Variants in ATP9A observed in about 807,000 individuals in gnomAD.
The protein encoded by ATP9A is probable phospholipid-transporting ATPase IIA.
In ATP9A, 52 loss-of-function variants were observed where a neutral mutation model predicts 144.1. The observed-to-expected ratio is 0.36, with a 90% CI of 0.29 to 0.45. The LOEUF is 0.45. Among genes scored for constraint, ATP9A ranks in the 20% least tolerant of loss-of-function variants. The pLI, the probability that ATP9A is intolerant of heterozygous loss-of-function variation, is 1.00. For synonymous variants in ATP9A, 582 were observed against 557.4 expected (o/e 1.04, Z -0.62); for missense variants, 947 against 1,392.7 (o/e 0.68, Z 5.09).
At chr20:51,733,866 G>A (rs2077752543) in intron 1 of ATP9A, among the ~76,000 whole-genome samples, 1 of 151,902 alleles carries the variant, frequency 6.6e-6, no homozygotes, top group African/African-American at 2.4e-5. Context: ...TAGAGTGAGG[G>A]TCTCACTATG....
At chr20:51,636,073 G>A (rs2077291076) in intron 15 of ATP9A, among the ~76,000 whole-genome samples, 1 of 152,054 alleles carries the variant, frequency 6.6e-6, no homozygotes, top group Admixed American at 6.5e-5. Flanking sequence ...TATGAATTAG[G>A]CACAGTAAGA....
intron 1 of ATP9A, among the ~76,000 whole-genome samples, chr20:51,753,102 CAA>C (rs200895118): frequency 8.0e-6 from 1 of 125,452 alleles, no homozygotes; most frequent in Admixed American, 8.4e-5. Context: ...GACTCTGTCT[CAA>C]AAAAAAAAAG....
At chr20:51,604,791 G>A (rs760702772) in intron 27 of ATP9A, 26 bp downstream of exon 27, 37 of 1,449,132 alleles carry the variant, frequency 2.6e-5, no homozygotes, top group South Asian at 6.1e-5. Flanking sequence ...GGTGACGGAC[G>A]GGGTTTAAGC....
intron 10 of ATP9A, among the ~76,000 whole-genome samples, chr20:51,674,815 A>G (rs1239871092): frequency 6.6e-6 from 1 of 152,008 alleles, no homozygotes; most frequent in Non-Finnish European, 1.5e-5. Context: ...GCATTAATGG[A>G]CATTATTTTA....
intron 15 of ATP9A, among the ~76,000 whole-genome samples, chr20:51,635,878 AGGAGGGGAGG>A (rs1292330997): frequency 2.3e-5 from 1 of 42,698 alleles, no homozygotes; most frequent in South Asian, 8.8e-4. Flanking sequence ...GGAGGGAGGG[AGGAGGGGAGG>A]GGAGGGGAGA....
chr20:51,607,436 G>C (rs2273090), intron 26 of ATP9A, 91 bp downstream of exon 26: 1 of 1,212,522 alleles, frequency 8.2e-7, no homozygotes, highest in Admixed American at 2.0e-5. Context: ...TTTCAGATTC[G>C]TTTCTTCTCT....
rs567904407 is a variant in ATP9A at position 51,737,545 on chromosome 20, T to G, written c.69-7567A>C. Among the ~76,000 whole-genome samples, 3 of 152,274 alleles carry G rather than the reference T, an allele frequency of 2.0e-5. No individual in the cohort carries two copies. In the South Asian group the frequency reaches 6.2e-4, roughly 32 times the overall value. On this transcript the variant is annotated intron_variant, in intron 1 of 27. Coordinates refer to ENST00000338821, the MANE Select transcript of ATP9A (RefSeq NM_006045.3). Reference sequence around the variant, plus strand: ...CAAAAGTACGTAACCCCAGTTGGACTAAGAAGCGTATTCACAGAAAAAGAA... The same window carrying G: ...CAAAAGTACGTAACCCCAGTTGGACGAAGAAGCGTATTCACAGAAAAAGAA...
chr20:51,605,172 G>A, intron 26 of ATP9A, 152 bp from the exon 27 acceptor site: 1 of 564,588 alleles, frequency 1.8e-6, no homozygotes, highest in African/African-American at 1.9e-5. Flanking sequence ...ATGCAGGTCT[G>A]AACCTATGGT....
At position 51,638,069 on chromosome 20, in the gene ATP9A, TTTTATATATATATATATATATATATATA is replaced by T. The variant is rs1280452454; in HGVS notation, c.1668+1246_1668+1273del. On this transcript the variant is annotated intron_variant, in intron 15 of 27. Transcript: ENST00000338821. ...TCCATGGCTAAGTAGCATTTCATCA[TTTTATATATATATATATATATATATATA>T]TATATATATATATATATATATATAT... is the stretch of plus-strand genomic sequence containing the variant. Among the ~76,000 whole-genome samples, 112 of 73,136 alleles carry T rather than the reference TTTTATATATATATATATATATATATATA, an allele frequency of 1.5e-3. 4 individuals carry two copies. The highest frequency in any genetic ancestry group is 2.2e-3 in the African/African-American group (40 of 18,088). 48.0% of individuals were successfully genotyped at this position (73,136 alleles called of 152,430 possible). A position where few individuals can be genotyped will look rare whatever the true frequency, so the allele number is the denominator to read the frequency against.
At chr20:51,720,707 GC>G (rs1427854177) in intron 3 of ATP9A, among the ~76,000 whole-genome samples, 1 of 152,136 alleles carries the variant, frequency 6.6e-6, no homozygotes, top group Non-Finnish European at 1.5e-5. Flanking sequence ...GGTAGTGGCT[GC>G]CTGTAATCCC....
chr20:51,703,908 ATTACTCT>A (rs2077604524), intron 4 of ATP9A, among the ~76,000 whole-genome samples: 1 of 152,144 alleles, frequency 6.6e-6, no homozygotes, highest in Non-Finnish European at 1.5e-5. Flanking sequence ...TGGTTAATGT[ATTACTCT>A]TTAACTCACA....
At chr20:51,639,299 C>CTGGG in intron 15 of ATP9A, 44 bp downstream of exon 15, 1 of 1,568,148 alleles carries the variant, frequency 6.4e-7, no homozygotes, top group East Asian at 2.3e-5. Context: ...CGCAGCACAC[C>CTGGG]TGGGGTACTT....
Position 51,657,096 on chromosome 20 carries a change from G to C in ATP9A, c.1348C>G (p.Arg450Gly). 1 of 1,614,170 alleles carries C rather than the reference G, an allele frequency of 6.2e-7. No individual in the cohort carries two copies. Among genetic ancestry groups the C allele is most frequent in the Non-Finnish European group, 8.5e-7 (1 of 1,180,048 alleles). Residue 450 changes from arginine (R) to glycine (G), a missense_variant, in exon 14 of 28, where the codon CGG (arginine) becomes GGG (glycine). Physicochemically the swap from Arg to Gly is moderately radical, Grantham distance 125. Around this residue, in one of 2 missense-constraint regions of ATP9A, gnomAD observed 770 missense variants for 1,047.9 expected, o/e 0.73. Coordinates refer to ENST00000338821, the MANE Select transcript of ATP9A (RefSeq NM_006045.3). ...TCGTGCACGCGGCTGCTCATGGTCC[G>C]CCGGACCTTAGTGGTGAGCGTTGGG... ...KGPTLTTKVR[R>G]TMSSRVHEAV...
rs11339305 is a variant in ATP9A at position 51,676,224 on chromosome 20, G to GAAAAAAA, written c.800-23_800-17dup. On this transcript the variant is annotated splice_polypyrimidine_tract_variant and intron_variant, in intron 9 of 27. Coordinates refer to ENST00000338821, the MANE Select transcript of ATP9A (RefSeq NM_006045.3). ...ACAACAGTACCTAAAATGGAAAAAA[G>GAAAAAAA]AAAAAAAAAAAAAGAAAAGAAATAT... 2.8e-5 allele frequency: 34 copies of GAAAAAAA among 1,223,334 alleles called. No individual in the cohort carries two copies. The highest frequency in any genetic ancestry group is 2.3e-4 in the Middle Eastern group (1 of 4,416). The allele number at this position is 1,223,334 out of a possible 1,614,324, so 75.8% of individuals were successfully genotyped here. A position where few individuals can be genotyped will look rare whatever the true frequency, so the allele number is the denominator to read the frequency against.
intron 15 of ATP9A, among the ~76,000 whole-genome samples, chr20:51,630,689 G>A (rs1484727863): frequency 6.6e-6 from 1 of 151,722 alleles, no homozygotes; most frequent in Non-Finnish European, 1.5e-5. Context: ...CAACAAGAGC[G>A]AAACTCCATC....
intron 13 of ATP9A, among the ~76,000 whole-genome samples, chr20:51,666,969 A>C (rs1039483771): frequency 1.3e-5 from 2 of 152,200 alleles, no homozygotes; most frequent in Non-Finnish European, 2.9e-5. Flanking sequence ...CAGGATGTTT[A>C]GACATCACGA....
At chr20:51,652,959 A>T (rs2077372874) in intron 14 of ATP9A, among the ~76,000 whole-genome samples, 3 of 152,066 alleles carry the variant, frequency 2.0e-5, no homozygotes, top group South Asian at 4.1e-4. Flanking sequence ...ATACAAAAAA[A>T]AATAGCCGGG....
At chr20:51,695,403 A>G (rs1464620623) in intron 6 of ATP9A, among the ~76,000 whole-genome samples, 2 of 145,306 alleles carry the variant, frequency 1.4e-5, no homozygotes, top group African/African-American at 5.1e-5. Context: ...GCAGAGGTTG[A>G]GGTAAGCCGA....
intron 11 of ATP9A, among the ~76,000 whole-genome samples, chr20:51,671,713 C>T (rs1204164354): frequency 1.3e-5 from 2 of 152,116 alleles, no homozygotes; most frequent in Non-Finnish European, 2.9e-5. Context: ...ATTCCACACC[C>T]ATTCAACAAT....
Sources: allele counts gnomAD v4.1 joint callset (sites outside exome capture counted in the v4.1 genomes callset), GRCh38; gene constraint gnomAD v4.1.1; regional missense constraint gnomAD v4.1.1; transcripts MANE v1.5; gene names NCBI Gene and HGNC (gene_info 2026-07-23, HGNC 2026-07-21).